Variants in GNB4 observed in about 807,000 individuals in gnomAD.
The protein encoded by GNB4 is G protein subunit beta 4, also known as guanine nucleotide-binding protein subunit beta-4.
GNB4 carries 28 observed loss-of-function variants against 45.2 expected under a neutral mutation model. The ratio of observed to expected loss-of-function variants is 0.62; its 90% confidence interval spans 0.46 to 0.85. The LOEUF (loss-of-function observed/expected upper bound fraction) is 0.85. Among genes scored for constraint, GNB4 ranks in the 40% least tolerant of loss-of-function variants. GNB4 has a pLI of 0.00. For missense variants in GNB4, 321 were observed against 425.4 expected (o/e 0.75, Z 2.16); for synonymous variants, 132 against 143.7 (o/e 0.92, Z 0.58).
intron 2 of GNB4, among the ~76,000 whole-genome samples, chr3:179,422,463 G>GAAA (rs1164930213): frequency 0.017 from 2,193 of 130,298 alleles, 63 homozygotes; most frequent in African/African-American, 0.06. Context: ...CCTGTCTCTG[G>GAAA]AAAAAAAAAA....
chr3:179,423,321 G>A (rs1000694026), intron 2 of GNB4, among the ~76,000 whole-genome samples: 2 of 152,140 alleles, frequency 1.3e-5, no homozygotes, highest in South Asian at 2.1e-4. Context: ...AAGGCAGACC[G>A]TGATCAGCTC....
chr3:179,422,897 A>G (rs1222070665), intron 2 of GNB4, among the ~76,000 whole-genome samples: 2 of 152,082 alleles, frequency 1.3e-5, no homozygotes, highest in African/African-American at 4.8e-5. Context: ...GGTTCATGCC[A>G]TTCTCCTGCC....
At chr3:179,497,712 A>G in the GNB4 span, among the ~76,000 whole-genome samples, 1 of 152,188 alleles carries the variant, frequency 6.6e-6, no homozygotes, top group Non-Finnish European at 1.5e-5. Context: ...AAAAATTTAA[A>G]AAAGATGAAA....
At chr3:179,447,545 G>A (rs2108623306) in intron 1 of GNB4, among the ~76,000 whole-genome samples, 1 of 152,046 alleles carries the variant, frequency 6.6e-6, no homozygotes, top group Middle Eastern at 3.4e-3. Context: ...ACAATAATGG[G>A]TTCTGACGAC....
intron 1 of GNB4, among the ~76,000 whole-genome samples, chr3:179,443,049 C>G (rs1339627513): frequency 6.6e-6 from 1 of 152,010 alleles, no homozygotes; most frequent in Non-Finnish European, 1.5e-5. Context: ...AAAATCAATC[C>G]CACCATTAAA....
chr3:179,494,284 AAAG>A, the GNB4 span, among the ~76,000 whole-genome samples: 2 of 151,410 alleles, frequency 1.3e-5, no homozygotes, highest in Admixed American at 1.3e-4. Flanking sequence ...AAAGAGAAAG[AAAG>A]AAAGAAAGAG....
rs554170716 is a variant in GNB4, at chr3:179,399,791, G to C, written c.*1422C>G. On this transcript the variant is annotated 3_prime_UTR_variant, in exon 10 of 10. Coordinates refer to ENST00000232564, the MANE Select transcript of GNB4 (RefSeq NM_021629.4). ...AAAAGTAACTAAGTTACAAAACAAT[G>C]CACGTCTATATATCAGAATAATCCA... 2.6e-5 allele frequency: 4 copies of C among 152,272 alleles called. No homozygotes were observed. Among genetic ancestry groups the C allele is most frequent in the Admixed American group, 6.5e-5 (1 of 15,278 alleles). 9.4% of individuals were successfully genotyped at this position (152,272 alleles called of 1,614,324 possible).
chr3:179,416,430 AAAG>A lies in GNB4; in HGVS notation c.267+60_267+62del, dbSNP rs1288802253. 48 of 950,600 alleles carry A rather than the reference AAAG, an allele frequency of 5.0e-5. No individual in the cohort carries two copies. The Admixed American group carries it at 1.1e-3, about 22-fold the overall frequency. 58.9% of individuals were successfully genotyped at this position (950,600 alleles called of 1,614,324 possible). A position where few individuals can be genotyped will look rare whatever the true frequency, so the allele number is the denominator to read the frequency against. ...TAAGTTTGAGGTAAAAGAATAAAGG[AAAG>A]AACTGGTGAACAGCCAAACAAATAT... On this transcript the variant is annotated intron_variant, in intron 5 of 9. Coordinates refer to ENST00000232564, the MANE Select transcript of GNB4 (RefSeq NM_021629.4).
upstream of GNB4, chr3:179,451,602 C>T (rs1474006340): frequency 6.6e-6 from 1 of 150,896 alleles, no homozygotes; most frequent in Non-Finnish European, 1.5e-5. Context: ...CGCGCAGACC[C>T]TCGGAGCGCG....
chr3:179,414,886 T>C lies in GNB4; in HGVS notation c.429A>G (p.Thr143=), dbSNP rs1577029046. Residue 143 remains threonine (T), a splice_region_variant and synonymous_variant, in exon 6 of 10, where the codon ACA becomes ACG. Coordinates refer to ENST00000232564, the MANE Select transcript of GNB4 (RefSeq NM_021629.4). ...VRVSRELPGH[T]GYLSCCRFLD... ...GAAAGAATATTTAGGGAAGCTCACC[T>C]GTGTGACCTGGCAACTCTCGGCTTA... 4.4e-6 allele frequency: 7 copies of C among 1,579,474 alleles called. No individual in the cohort carries two copies. Among genetic ancestry groups the C allele is most frequent in the Non-Finnish European group, 6.1e-6 (7 of 1,155,372 alleles).
chr3:179,461,174 C>A, the GNB4 span, among the ~76,000 whole-genome samples: 1 of 152,194 alleles, frequency 6.6e-6, no homozygotes. Context: ...ACCTTAGCGA[C>A]TGGACATGGC....
At chr3:179,409,108 G>A (rs7639617) in intron 8 of GNB4, among the ~76,000 whole-genome samples, 25,844 of 148,724 alleles carry the variant, frequency 0.17, 2,342 homozygotes, top group East Asian at 0.24. Flanking sequence ...TCCAGCCTGG[G>A]TGACAGTGAA....
the GNB4 span, among the ~76,000 whole-genome samples, chr3:179,484,621 T>A: frequency 6.6e-6 from 1 of 152,324 alleles, no homozygotes; most frequent in Non-Finnish European, 1.5e-5. Flanking sequence ...TTTGTGCTTT[T>A]TGTTGGTGAT....
In GNB4 at chr3:179,403,351, TAAAAAA is replaced by T. The variant is rs369992220; in HGVS notation, c.916+1833_916+1838del. Among the ~76,000 whole-genome samples, 47 of 148,848 alleles carry T rather than the reference TAAAAAA, an allele frequency of 3.2e-4. No homozygotes were observed. In the East Asian group the frequency reaches 7.1e-3, roughly 22 times the overall value. On this transcript the variant is annotated intron_variant, in intron 9 of 9. Transcript: ENST00000232564. ...AAAGATGATGCTTGAAGAAGAAACTTAAAAAAAAAATTCTTTCACTAATAATAGCTC... is the reference window on the plus strand; with the variant it reads ...AAAGATGATGCTTGAAGAAGAAACTTAAAATTCTTTCACTAATAATAGCTC...
intron 8 of GNB4, among the ~76,000 whole-genome samples, chr3:179,408,513 C>T (rs1311925685): frequency 6.6e-6 from 1 of 152,002 alleles, no homozygotes; most frequent in Non-Finnish European, 1.5e-5. Context: ...ATTAGGGGCT[C>T]GGTGCGGTGG....
Position 179,413,435 on chromosome 3 carries a change from C to T in GNB4, c.676G>A (p.Val226Ile). The T allele has an allele frequency of 6.2e-7, 1 of 1,613,890 alleles. No homozygotes were observed. Among genetic ancestry groups the T allele is most frequent in the South Asian group, 1.1e-5 (1 of 91,080 alleles). The change falls in exon 8 of 10, where the codon GTC becomes ATC. Residue 226 changes from valine to isoleucine, a missense_variant. By Grantham distance (29) the Val-to-Ile change is conservative. Transcript: ENST00000232564. ...ACACTGACAGCATTGATATCTGAGACATGTCCCGTGAAAGACTGTCTACAC... is the reference window on the plus strand; with the variant it reads ...ACACTGACAGCATTGATATCTGAGATATGTCCCGTGAAAGACTGTCTACAC... ...GMCRQSFTGH[V>I]SDINAVSFFP...
chr3:179,405,522 G>A (rs545729007), intron 8 of GNB4, 116 bp from the exon 9 acceptor site: 12 of 653,874 alleles, frequency 1.8e-5, no homozygotes, highest in African/African-American at 9.1e-5. Context: ...CCAGGTGAGC[G>A]ATGTTGGGCA....
the GNB4 span, among the ~76,000 whole-genome samples, chr3:179,489,009 AAAAAAAAAAAATATATAT>A: frequency 2.4e-4 from 9 of 37,386 alleles, no homozygotes; most frequent in African/African-American, 9.5e-4. Context: ...AAAAAAAAAA[AAAAAAAAAAAATATATAT>A]ATATATATAT....
chr3:179,443,591 T>G (rs1274144891), intron 1 of GNB4, among the ~76,000 whole-genome samples: 3 of 152,182 alleles, frequency 2.0e-5, no homozygotes, highest in African/African-American at 7.2e-5. Flanking sequence ...GAATACAGCA[T>G]CCAGTGTCTT....
Sources: allele counts gnomAD v4.1 joint callset (sites outside exome capture counted in the v4.1 genomes callset), GRCh38; gene constraint gnomAD v4.1.1; transcripts MANE v1.5; gene names NCBI Gene and HGNC (gene_info 2026-07-23, HGNC 2026-07-21).